OXR1: variants seen among roughly 807,000 people sequenced by gnomAD.
OXR1 encodes oxidation resistance protein 1.
OXR1 carries 41 observed loss-of-function variants against 104.6 expected under a neutral mutation model. The ratio of observed to expected loss-of-function variants is 0.39; its 90% confidence interval spans 0.31 to 0.51. The LOEUF (loss-of-function observed/expected upper bound fraction) is 0.51. Among genes scored for constraint, OXR1 ranks in the 20% least tolerant of loss-of-function variants. OXR1 has a pLI of 0.77. For synonymous variants in OXR1, 348 were observed against 348.4 expected (o/e 1.00, Z 0.01); for missense variants, 955 against 1,031.9 (o/e 0.93, Z 1.02).
intron 2 of OXR1, among the ~76,000 whole-genome samples, chr8:106,452,662 T>C (rs987240709): frequency 5.9e-5 from 9 of 152,142 alleles, no homozygotes; most frequent in African/African-American, 2.2e-4. Context: ...GTTCCTGGAA[T>C]TGTACTTTAT....
intron 11 of OXR1, among the ~76,000 whole-genome samples, chr8:106,723,559 C>T (rs1023368686): frequency 2.6e-5 from 4 of 151,166 alleles, no homozygotes; most frequent in Non-Finnish European, 4.4e-5. Flanking sequence ...GTGATCCCAG[C>T]TACTCAGGAC....
chr8:106,286,394 T>C (rs1367182175), intron 1 of OXR1, among the ~76,000 whole-genome samples: 1 of 143,542 alleles, frequency 7.0e-6, no homozygotes, highest in Non-Finnish European at 1.5e-5. Context: ...TTTTTTTCAA[T>C]GAAAAGAATT....
At chr8:106,363,823 T>C (rs1271351451) in intron 2 of OXR1, among the ~76,000 whole-genome samples, 1 of 152,220 alleles carries the variant, frequency 6.6e-6, no homozygotes, top group Non-Finnish European at 1.5e-5. Context: ...CACAAAGTAC[T>C]GTGCCATTCA....
At chr8:106,306,069 A>G (rs908186843) in intron 1 of OXR1, among the ~76,000 whole-genome samples, 7 of 151,812 alleles carry the variant, frequency 4.6e-5, no homozygotes, top group African/African-American at 1.5e-4. Context: ...ATTAAAATGC[A>G]GTATGAATCT....
chr8:106,377,848 A>G (rs1393421435), intron 2 of OXR1, among the ~76,000 whole-genome samples: 1 of 152,160 alleles, frequency 6.6e-6, no homozygotes, highest in Non-Finnish European at 1.5e-5. Context: ...ACTTTACTCT[A>G]GGCATGCCCT....
intron 11 of OXR1, among the ~76,000 whole-genome samples, chr8:106,727,095 T>G (rs995832284): frequency 2.0e-5 from 3 of 152,194 alleles, no homozygotes; most frequent in African/African-American, 7.2e-5. Context: ...ATTTCAAAAT[T>G]CATTTATATG....
chr8:106,289,369 A>C (rs1314394008), intron 1 of OXR1, among the ~76,000 whole-genome samples: 1 of 152,164 alleles, frequency 6.6e-6, no homozygotes, highest in Non-Finnish European at 1.5e-5. Flanking sequence ...TACACCAATA[A>C]TGTCCAGGCT....
At chr8:106,403,728 G>T (rs1041512751) in intron 2 of OXR1, among the ~76,000 whole-genome samples, 1 of 152,150 alleles carries the variant, frequency 6.6e-6, no homozygotes, top group African/African-American at 2.4e-5. Flanking sequence ...TAAACTGCTG[G>T]AGTCTAGATC....
intron 8 of OXR1, among the ~76,000 whole-genome samples, chr8:106,705,947 A>G (rs1296066033): frequency 1.3e-5 from 2 of 152,112 alleles, no homozygotes; most frequent in East Asian, 1.9e-4. Context: ...GTGTGTGTGT[A>G]TATCTATGGA....
At chr8:106,577,686 G>T (rs6469076) in intron 3 of OXR1, among the ~76,000 whole-genome samples, 2 of 151,994 alleles carry the variant, frequency 1.3e-5, no homozygotes, top group Non-Finnish European at 2.9e-5. Flanking sequence ...TACTGCGCCC[G>T]GCCAAAGCTA....
At chr8:106,440,590 T>C (rs942146178) in intron 2 of OXR1, among the ~76,000 whole-genome samples, 1 of 152,090 alleles carries the variant, frequency 6.6e-6, no homozygotes, top group Non-Finnish European at 1.5e-5. Context: ...GGCATGCATC[T>C]AAAACATATC....
chr8:106,473,863 T>G (rs1259694676), intron 2 of OXR1, among the ~76,000 whole-genome samples: 2 of 150,416 alleles, frequency 1.3e-5, no homozygotes, highest in African/African-American at 4.9e-5. Context: ...TTTTTTTTTT[T>G]GCCACCATTA....
intron 1 of OXR1, among the ~76,000 whole-genome samples, chr8:106,334,177 T>C (rs1814854795): frequency 1.3e-5 from 2 of 152,216 alleles, no homozygotes; most frequent in Admixed American, 1.3e-4. Context: ...ATCTTGCTTT[T>C]TTTGTTAAAT....
chr8:106,525,915 G>A (rs935255716), intron 3 of OXR1, among the ~76,000 whole-genome samples: 2 of 152,180 alleles, frequency 1.3e-5, no homozygotes, highest in Non-Finnish European at 2.9e-5. Flanking sequence ...GCCATTTATA[G>A]TCATTTAGTT....
intron 2 of OXR1, among the ~76,000 whole-genome samples, chr8:106,484,065 A>G (rs182045617): frequency 1.3e-5 from 2 of 152,218 alleles, no homozygotes; most frequent in African/African-American, 4.8e-5. Context: ...GAAGAAAAAA[A>G]ATGATAAGCT....
intron 3 of OXR1, among the ~76,000 whole-genome samples, chr8:106,620,528 GCTTCCTGGCACTGTGGTTCTAACT>G (rs1563648246): frequency 6.6e-6 from 1 of 152,006 alleles, no homozygotes; most frequent in Admixed American, 6.6e-5. Context: ...TTCCACTCTG[GCTTCCTGGCACTGTGGTTCTAACT>G]GTTCTTAGGC....
intron 3 of OXR1, among the ~76,000 whole-genome samples, chr8:106,613,919 G>T (rs2130809637): frequency 6.6e-6 from 1 of 152,198 alleles, no homozygotes; most frequent in Admixed American, 6.5e-5. Flanking sequence ...CCATTTATAT[G>T]GCTTGGCATC....
chr8:106,501,528 G>C (rs186448275), intron 2 of OXR1, among the ~76,000 whole-genome samples: 1 of 152,326 alleles, frequency 6.6e-6, no homozygotes, highest in East Asian at 1.9e-4. Flanking sequence ...AATGGAATGA[G>C]TGAGAGGAAA....
intron 2 of OXR1, among the ~76,000 whole-genome samples, chr8:106,503,198 T>A (rs1262619716): frequency 6.6e-6 from 1 of 152,204 alleles, no homozygotes; most frequent in Non-Finnish European, 1.5e-5. Flanking sequence ...CATTTACACC[T>A]TCTTTGGCAG....
Sources: gnomAD v4.1 joint callset for allele counts (sites outside exome capture counted in the v4.1 genomes callset) on GRCh38, gnomAD v4.1.1 for gene constraint, MANE v1.5 for transcripts, NCBI Gene and HGNC (gene_info 2026-07-23, HGNC 2026-07-21) for gene names.